Variants in TSPAN9 observed in about 807,000 individuals in gnomAD.
TSPAN9 encodes the protein tetraspanin-9.
Under a neutral mutation model 31.0 loss-of-function variants are expected in TSPAN9, and 16 were observed. The observed-to-expected ratio is 0.52, with a 90% confidence interval of 0.35 to 0.78. The LOEUF is 0.78. Among genes scored for constraint, TSPAN9 ranks in the 30% least tolerant of loss-of-function variants. The pLI is 0.01. For synonymous variants in TSPAN9, 145 were observed against 121.6 expected (o/e 1.19, Z -1.27); for missense variants, 272 against 312.5 (o/e 0.87, Z 0.98).
chr12:3,133,412 AATAAC>A (rs1188912900), intron 2 of TSPAN9, among the ~76,000 whole-genome samples: 3 of 152,252 alleles, frequency 2.0e-5, no homozygotes, highest in Admixed American at 1.3e-4. Flanking sequence ...TAAAAAATAA[AATAAC>A]ATAAAAGTAT....
rs79324512 is a variant in TSPAN9, at chr12:3,134,670, G to C, written c.-18+50951G>C. On this transcript the variant is annotated intron_variant, in intron 2 of 8. Coordinates refer to ENST00000011898, the MANE Select transcript of TSPAN9 (RefSeq NM_006675.5). ...GGCATGGCCGATGGCTGTTTGGGGC[G>C]CCCAACTTCTGAGACAGAAGGCGGG... 8.9e-3 allele frequency among the ~76,000 whole-genome samples: 1,356 copies of C among 152,294 alleles called. 15 individuals are homozygous for C. Among genetic ancestry groups the C allele is most frequent in the East Asian group, 0.051 (263 of 5,168 alleles).
At chr12:3,193,502 G>A (rs560384843) in intron 2 of TSPAN9, among the ~76,000 whole-genome samples, 34 of 152,336 alleles carry the variant, frequency 2.2e-4, no homozygotes, top group South Asian at 2.1e-3. Context: ...CCCACCTGTC[G>A]TGGGTAGACT....
intron 3 of TSPAN9, among the ~76,000 whole-genome samples, chr12:3,248,060 C>G (rs565163969): frequency 5.3e-5 from 8 of 152,322 alleles, no homozygotes; most frequent in Admixed American, 4.6e-4. Flanking sequence ...TGCTCAACCT[C>G]TCCGGATTAG....
At chr12:3,180,169 T>G (rs921193405) in intron 2 of TSPAN9, among the ~76,000 whole-genome samples, 1 of 152,182 alleles carries the variant, frequency 6.6e-6, no homozygotes, top group African/African-American at 2.4e-5. Flanking sequence ...ATTAATTAAT[T>G]CTTATCTTTA....
chr12:3,208,830 A>T (rs2098376706), intron 3 of TSPAN9, among the ~76,000 whole-genome samples: 1 of 152,206 alleles, frequency 6.6e-6, no homozygotes. Context: ...ATTCTCTTTG[A>T]ATCTTGTGTG....
Position 3,085,271 on chromosome 12 carries a change from C to T in TSPAN9, c.-18+1552C>T, listed in dbSNP as rs372812456. The stretch of plus-strand genomic sequence containing the variant: ...ACAAGGGAATGACCGTCCTGCTGTG[C>T]GGCATGTCCCCCACATCCCGTGGGG... On this transcript the variant is annotated intron_variant, in intron 2 of 8. Transcript: ENST00000011898. Among the ~76,000 whole-genome samples, 562 of 151,674 alleles carry T rather than the reference C, an allele frequency of 3.7e-3. 6 individuals are homozygous for T. Among genetic ancestry groups the T allele is most frequent in the African/African-American group, 0.013 (535 of 41,318 alleles).
At chr12:3,100,872 C>T (rs1201315635) in intron 2 of TSPAN9, among the ~76,000 whole-genome samples, 1 of 152,192 alleles carries the variant, frequency 6.6e-6, no homozygotes, top group Non-Finnish European at 1.5e-5. Context: ...TTGTACCTAG[C>T]TCAGTGCTAG....
At chr12:3,158,002 TA>T (rs957196922) in intron 2 of TSPAN9, among the ~76,000 whole-genome samples, 2 of 150,938 alleles carry the variant, frequency 1.3e-5, no homozygotes, top group Non-Finnish European at 3.0e-5. Context: ...CTTTATCTAC[TA>T]AAAAAAAAGA....
chr12:3,244,582 C>T (rs2098398375), intron 3 of TSPAN9, among the ~76,000 whole-genome samples: 1 of 152,182 alleles, frequency 6.6e-6, no homozygotes, highest in Non-Finnish European at 1.5e-5. Flanking sequence ...ACTCTCGAGC[C>T]ACCTCACGCC....
chr12:3,146,141 C>T (rs554544688), intron 2 of TSPAN9, among the ~76,000 whole-genome samples: 9 of 152,344 alleles, frequency 5.9e-5, no homozygotes, highest in Non-Finnish European at 1.0e-4. Context: ...TTGGGCCAGG[C>T]GATCTTTGAG....
rs200214939 is a variant in TSPAN9, at chr12:3,280,375, C to T, written c.331-7C>T. ...CAACCGTCTCACTGTGTCCCTCCGCCTGGCAGGTGAACGAGAACGCCAAGA... is the reference window on the plus strand; with the variant it reads ...CAACCGTCTCACTGTGTCCCTCCGCTTGGCAGGTGAACGAGAACGCCAAGA... On this transcript the variant is annotated splice_polypyrimidine_tract_variant and splice_region_variant and intron_variant, in intron 5 of 8. Transcript: ENST00000011898. The surrounding 1 kb of genome is among the most constrained non-coding windows in gnomAD (Gnocchi z 4.5). 4.8e-4 allele frequency: 768 copies of T among 1,612,212 alleles called. No homozygotes were observed. Among genetic ancestry groups the T allele is most frequent in the Non-Finnish European group, 4.5e-4 (535 of 1,179,826 alleles).
At chr12:3,155,340 C>T (rs1125020) in intron 2 of TSPAN9, among the ~76,000 whole-genome samples, 109,931 of 152,078 alleles carry the variant, frequency 0.72, 40,522 homozygotes, top group East Asian at 0.96. Context: ...AAACCGAAGG[C>T]GGGCTGTTCC....
intron 2 of TSPAN9, among the ~76,000 whole-genome samples, chr12:3,109,442 A>G (rs1057303127): frequency 6.6e-6 from 1 of 151,766 alleles, no homozygotes; most frequent in Non-Finnish European, 1.5e-5. Context: ...TTGTGTGTGT[A>G]TGTCGCTTGT....
intron 2 of TSPAN9, among the ~76,000 whole-genome samples, chr12:3,196,839 G>A (rs1330119924): frequency 1.3e-5 from 2 of 152,154 alleles, no homozygotes; most frequent in Admixed American, 1.3e-4. Flanking sequence ...AATGGTTAGT[G>A]GCACAAATTC....
At chr12:3,161,005 G>C (rs185486480) in intron 2 of TSPAN9, among the ~76,000 whole-genome samples, 2 of 152,278 alleles carry the variant, frequency 1.3e-5, no homozygotes, top group African/African-American at 4.8e-5. Flanking sequence ...TGGATCATCT[G>C]AGTTTGGCAG....
intron 3 of TSPAN9, among the ~76,000 whole-genome samples, chr12:3,220,148 A>G (rs1404286205): frequency 6.8e-6 from 1 of 147,784 alleles, no homozygotes; most frequent in Non-Finnish European, 1.5e-5. Flanking sequence ...TCTGTCTCAA[A>G]AAAAAAAAAA....
chr12:3,281,491 G>A (rs1360055025), intron 7 of TSPAN9, among the ~76,000 whole-genome samples, 162 bp downstream of exon 7: 2 of 152,152 alleles, frequency 1.3e-5, no homozygotes, highest in African/African-American at 2.4e-5. Context: ...GGAAAATGGG[G>A]GGTGGGGCTG....
chr12:3,091,326 C>A (rs1236087728), intron 2 of TSPAN9, among the ~76,000 whole-genome samples: 2 of 152,270 alleles, frequency 1.3e-5, no homozygotes, highest in Non-Finnish European at 2.9e-5. Flanking sequence ...TCACAATGGA[C>A]TCGACACCGT....
chr12:3,228,526 C>A (rs1363291130), intron 3 of TSPAN9, among the ~76,000 whole-genome samples: 2 of 152,216 alleles, frequency 1.3e-5, no homozygotes, highest in African/African-American at 4.8e-5. Context: ...TTTGCTCATG[C>A]CCTCCCCACC....
Sources: gnomAD v4.1 joint callset for allele counts (sites outside exome capture counted in the v4.1 genomes callset) on GRCh38, gnomAD v4.1.1 for gene constraint, Gnocchi (gnomAD v3.1) non-coding constraint, MANE v1.5 for transcripts, NCBI Gene and HGNC (gene_info 2026-07-23, HGNC 2026-07-21) for gene names.